The following PDS5B variants were observed in gnomAD, a reference collection of about 807,000 sequenced individuals.
PDS5B encodes PDS5 cohesin associated factor B, also known as sister chromatid cohesion protein PDS5 homolog B.
PDS5B carries 51 observed loss-of-function variants against 184.1 expected under a neutral mutation model. That is an observed-to-expected ratio of 0.28 (90% CI 0.22 to 0.35). The LOEUF is 0.35. Ranked by LOEUF, PDS5B falls within the 10% of genes least tolerant of loss-of-function variation. PDS5B has a pLI of 1.00. For synonymous variants in PDS5B, 566 were observed against 569.2 expected (o/e 0.99, Z 0.08); for missense variants, 1,180 against 1,723.3 (o/e 0.68, Z 5.58).
intron 3 of PDS5B, among the ~76,000 whole-genome samples, chr13:32,657,576 T>C (rs1950548570): frequency 6.6e-6 from 1 of 152,210 alleles, no homozygotes; most frequent in Non-Finnish European, 1.5e-5. Flanking sequence ...CGGTTAATAT[T>C]GGTATGTGCT....
At chr13:32,728,648 C>T (rs1281540626) in intron 19 of PDS5B, among the ~76,000 whole-genome samples, 1 of 152,150 alleles carries the variant, frequency 6.6e-6, no homozygotes, top group Non-Finnish European at 1.5e-5. Context: ...GTCATTTGTA[C>T]TACAGCCTAG....
intron 1 of PDS5B, among the ~76,000 whole-genome samples, chr13:32,588,208 A>G (rs146153661): frequency 1.3e-5 from 2 of 152,342 alleles, no homozygotes; most frequent in African/African-American, 2.4e-5. Flanking sequence ...TCGTGCAACA[A>G]TTAATCTTGT....
intron 9 of PDS5B, among the ~76,000 whole-genome samples, chr13:32,677,069 G>T (rs771702593): frequency 4.0e-5 from 6 of 150,494 alleles, no homozygotes; most frequent in Non-Finnish European, 7.4e-5. Context: ...TTAATATTTT[G>T]GTCTCATTTT....
intron 17 of PDS5B, among the ~76,000 whole-genome samples, chr13:32,704,658 T>C (rs1488759172): frequency 6.6e-6 from 1 of 152,232 alleles, no homozygotes; most frequent in East Asian, 1.9e-4. Flanking sequence ...CTGGATTCCC[T>C]TTGGTTCTTT....
In PDS5B at chr13:32,735,194, C is replaced by T. The variant is rs757437802; in HGVS notation, c.2270C>T (p.Pro757Leu). The T allele has an allele frequency of 6.2e-7, 1 of 1,603,756 alleles. No homozygotes were observed. Residue 757 changes from proline (P) to leucine (L), a missense_variant, in exon 21 of 35, where the codon CCA becomes CTA. Transcript: ENST00000315596. ...CAGCCTCTGCATAAGAGCCTAGATC[C>T]AAGCAACCTGGAACATCTCATAACA... ...IFEPLHKSLD[P>L]SNLEHLITPL...
At chr13:32,635,029 G>C (rs1490855522) in intron 1 of PDS5B, among the ~76,000 whole-genome samples, 1 of 140,646 alleles carries the variant, frequency 7.1e-6, no homozygotes, top group South Asian at 2.2e-4. Context: ...TTTTAAAGAG[G>C]CCGGGCCTTA....
intron 34 of PDS5B, among the ~76,000 whole-genome samples, chr13:32,774,035 C>G (rs1362597730): frequency 1.3e-5 from 2 of 152,138 alleles, no homozygotes; most frequent in South Asian, 2.1e-4. Flanking sequence ...AACTCTTGAC[C>G]TCAAGTGATC....
chr13:32,610,012 A>G (rs1209880076), intron 1 of PDS5B, among the ~76,000 whole-genome samples: 1 of 152,240 alleles, frequency 6.6e-6, no homozygotes, highest in East Asian at 1.9e-4. Flanking sequence ...TGCTGGAGCA[A>G]TGTCCTGCAG....
At chr13:32,642,024 G>A (rs1198444892) in intron 1 of PDS5B, among the ~76,000 whole-genome samples, 1 of 152,128 alleles carries the variant, frequency 6.6e-6, no homozygotes, top group Non-Finnish European at 1.5e-5. Context: ...TGGCCTTCTA[G>A]GAACAAAGGT....
chr13:32,665,932 G>A (rs1300549736), intron 6 of PDS5B, among the ~76,000 whole-genome samples: 2 of 152,140 alleles, frequency 1.3e-5, no homozygotes, highest in Non-Finnish European at 2.9e-5. Context: ...GTTTTCACTC[G>A]TGGGGGCTAA....
Position 32,667,639 on chromosome 13 carries a change from T to C in PDS5B, c.625-125T>C, listed in dbSNP as rs1950836875. 8 of 597,740 alleles carry C rather than the reference T, an allele frequency of 1.3e-5. No homozygotes were observed. In the South Asian group the frequency reaches 1.7e-4, roughly 13 times the overall value. 37.0% of individuals were successfully genotyped at this position (597,740 alleles called of 1,614,324 possible). A position where few individuals can be genotyped will look rare whatever the true frequency, so the allele number is the denominator to read the frequency against. On this transcript the variant is annotated intron_variant, in intron 6 of 34. Transcript: ENST00000315596. ...AAAAAAGAAAAGTGGTTTTGCCTTC[T>C]CTCTTTTATTCCAATTGAGTCTTAG...
At chr13:32,693,614 G>A (rs1951615600) in intron 13 of PDS5B, among the ~76,000 whole-genome samples, 1 of 150,436 alleles carries the variant, frequency 6.6e-6, no homozygotes, top group African/African-American at 2.4e-5. Flanking sequence ...TTAATTGTGT[G>A]GCTCTAATCT....
intron 6 of PDS5B, among the ~76,000 whole-genome samples, chr13:32,666,743 T>C (rs1950808409): frequency 6.6e-6 from 1 of 152,196 alleles, no homozygotes; most frequent in South Asian, 2.1e-4. Flanking sequence ...TATTGGGGTA[T>C]TAAATGCATT....
chr13:32,721,269 C>A (rs1332154712), intron 19 of PDS5B, among the ~76,000 whole-genome samples: 22 of 143,702 alleles, frequency 1.5e-4, no homozygotes, highest in Non-Finnish European at 2.9e-4. Context: ...CGGGCGGGGG[C>A]GCCCCCCACC....
At chr13:32,602,677 C>A (rs546289679) in intron 1 of PDS5B, among the ~76,000 whole-genome samples, 295 of 152,314 alleles carry the variant, frequency 1.9e-3, no homozygotes, top group Admixed American at 3.7e-3. Flanking sequence ...GCCACACTGT[C>A]TTCCACAATG....
chr13:32,768,792 CAAAAAAAAAAAAAA>C lies in PDS5B; in HGVS notation c.3625-1328_3625-1315del, dbSNP rs943458244. The stretch of plus-strand genomic sequence containing the variant: ...TGGGTGACAGAGCGAGACTCTGTCT[CAAAAAAAAAAAAAA>C]GAAAAAAAAAAAAAGCTGGGTGCAG... On this transcript the variant is annotated intron_variant, in intron 31 of 34. Transcript: ENST00000315596. Among the ~76,000 whole-genome samples, 102 of 46,186 alleles carry C rather than the reference CAAAAAAAAAAAAAA, an allele frequency of 2.2e-3. 2 individuals carry two copies. In the East Asian group the frequency reaches 0.043, roughly 19 times the overall value. The allele number at this position is 46,186 out of a possible 152,430, so 30.3% of individuals were successfully genotyped here. A position where few individuals can be genotyped will look rare whatever the true frequency, so the allele number is the denominator to read the frequency against.
At chr13:32,736,554 G>C (rs7319345) in intron 21 of PDS5B, among the ~76,000 whole-genome samples, 311 of 151,878 alleles carry the variant, frequency 2.0e-3, no homozygotes, top group African/African-American at 7.3e-3. Flanking sequence ...GTTTTCCATT[G>C]GTTTCCAGTT....
chr13:32,713,061 C>T (rs535057663), intron 19 of PDS5B, among the ~76,000 whole-genome samples: 2 of 152,288 alleles, frequency 1.3e-5, no homozygotes, highest in African/African-American at 2.4e-5. Flanking sequence ...CCTGTCATAA[C>T]ATGTGATGTA....
At chr13:32,740,622 T>G (rs1185912047) in intron 21 of PDS5B, among the ~76,000 whole-genome samples, 2 of 152,148 alleles carry the variant, frequency 1.3e-5, no homozygotes, top group Non-Finnish European at 2.9e-5. Flanking sequence ...TACTTGCACA[T>G]GATCACCTCA....
Sources: gnomAD v4.1 joint callset for allele counts (sites outside exome capture counted in the v4.1 genomes callset) on GRCh38, gnomAD v4.1.1 for gene constraint, MANE v1.5 for transcripts, NCBI Gene and HGNC (gene_info 2026-07-23, HGNC 2026-07-21) for gene names.